PTPN14: variants seen among roughly 807,000 people sequenced by gnomAD.
The protein encoded by PTPN14 is protein tyrosine phosphatase non-receptor type 14.
A neutral mutation model predicts 126.8 loss-of-function variants in PTPN14; 53 were observed. That is an observed-to-expected ratio of 0.42 (90% CI 0.34 to 0.53). The LOEUF is 0.53. Ranked by LOEUF, PTPN14 falls within the 20% of genes least tolerant of loss-of-function variation. The pLI is 0.08. For missense variants in PTPN14, 1,257 were observed against 1,552.9 expected (o/e 0.81, Z 3.20); for synonymous variants, 630 against 599.3 (o/e 1.05, Z -0.75).
In PTPN14 at chr1:214,384,059, G is replaced by T; in HGVS notation, c.1796C>A (p.Thr599Asn). The T allele has an allele frequency of 6.3e-7, 1 of 1,583,204 alleles. No homozygotes were observed. Among genetic ancestry groups the T allele is most frequent in the East Asian group, 2.2e-5 (1 of 44,530 alleles). ...YVSGSSPDLV[T>N]RKVQLSVKTF... ...CTTCACCGAGAGCTGCACCTTCCGGGTCACCAGGTCCGGGCTGCTGCCGCT... is the reference window on the plus strand; with the variant it reads ...CTTCACCGAGAGCTGCACCTTCCGGTTCACCAGGTCCGGGCTGCTGCCGCT... Residue 599 changes from threonine (T) to asparagine (N), a missense_variant, in exon 13 of 19, where the codon ACC (threonine) becomes AAC (asparagine). Thr to Asn is a moderately conservative substitution (Grantham distance 65). Around this residue, in one of 3 missense-constraint regions of PTPN14, gnomAD observed 1,021 missense variants for 1,183.3 expected, o/e 0.86. Transcript: ENST00000366956. The surrounding 1 kb of genome is among the most constrained non-coding windows in gnomAD (Gnocchi z 5.3).
At chr1:214,373,598 CACACACACA>C (rs1658271362) in intron 15 of PTPN14, among the ~76,000 whole-genome samples, 2 of 142,298 alleles carry the variant, frequency 1.4e-5, no homozygotes, top group African/African-American at 5.3e-5. Context: ...CACACACACA[CACACACACA>C]CCTGGTCATG....
At chr1:214,550,874 G>T (rs1656091034) in intron 1 of PTPN14, among the ~76,000 whole-genome samples, 1 of 152,174 alleles carries the variant, frequency 6.6e-6, no homozygotes, top group Non-Finnish European at 1.5e-5. Flanking sequence ...GCCCTCTCTC[G>T]TTCCCAAAAC....
intron 1 of PTPN14, among the ~76,000 whole-genome samples, chr1:214,482,592 T>G (rs1303968567): frequency 7.3e-6 from 1 of 137,880 alleles, no homozygotes; most frequent in Admixed American, 7.2e-5. Context: ...AAAAAAAAAA[T>G]CACATAGAAA....
rs1165595746 is a variant in PTPN14 at position 214,402,437 on chromosome 1, C to CAAAAAAAAAAAAAAA, written c.581+431_581+445dup. Among the ~76,000 whole-genome samples the CAAAAAAAAAAAAAAA allele has an allele frequency of 1.2e-4, 6 of 48,140 alleles. 1 individual carries two copies. The highest frequency in any genetic ancestry group is 5.8e-4 in the African/African-American group (6 of 10,390). 31.6% of individuals were successfully genotyped at this position (48,140 alleles called of 152,430 possible). A position where few individuals can be genotyped will look rare whatever the true frequency, so the allele number is the denominator to read the frequency against. ...CCTGGGTGACAGAGCGAGACTCTGT[C>CAAAAAAAAAAAAAAA]AAAAAAAAAAAAAAAAAAAAAAGCC... On this transcript the variant is annotated intron_variant, in intron 6 of 18. Coordinates refer to ENST00000366956, the MANE Select transcript of PTPN14 (RefSeq NM_005401.5).
chr1:214,431,871 G>A (rs1384820317), intron 3 of PTPN14, among the ~76,000 whole-genome samples: 1 of 152,182 alleles, frequency 6.6e-6, no homozygotes, highest in Non-Finnish European at 1.5e-5. Context: ...AATGTCAGGA[G>A]TCATCATTGT....
chr1:214,411,755 A>T lies in PTPN14; in HGVS notation c.443-4T>A. ...TGATTATAGTCTCCAAAATCAGCTG[A>T]GAAGAAAAGAAGATGGAAGGGCAGT... On this transcript the variant is annotated splice_polypyrimidine_tract_variant and splice_region_variant and intron_variant, in intron 4 of 18. Coordinates refer to ENST00000366956, the MANE Select transcript of PTPN14 (RefSeq NM_005401.5). The T allele has an allele frequency of 6.7e-7, 1 of 1,497,126 alleles. No individual in the cohort carries two copies. Among genetic ancestry groups the T allele is most frequent in the South Asian group, 1.2e-5 (1 of 83,510 alleles). The allele number at this position is 1,497,126 out of a possible 1,614,324, so 92.7% of individuals were successfully genotyped here.
rs966017867 is a variant in PTPN14 at position 214,352,245 on chromosome 1, T to C, written c.*5677A>G. The C allele has an allele frequency of 6.6e-6, 1 of 152,236 alleles. No individual in the cohort carries two copies. Among genetic ancestry groups the C allele is most frequent in the African/African-American group, 2.4e-5 (1 of 41,460 alleles). The allele number at this position is 152,236 out of a possible 1,614,324, so 9.4% of individuals were successfully genotyped here. ...TGCCAGACACTCAATGCTAGGCTCA[T>C]GGACATTTTAATAGAGAATATCTTA... On this transcript the variant is annotated 3_prime_UTR_variant, in exon 19 of 19. Transcript: ENST00000366956.
At chr1:214,445,991 G>T (rs890699601) in intron 3 of PTPN14, among the ~76,000 whole-genome samples, 29 of 152,158 alleles carry the variant, frequency 1.9e-4, no homozygotes, top group Admixed American at 6.5e-5. Context: ...CCCTTTGCTG[G>T]ACAGAAAAGC....
At chr1:214,509,809 T>C (rs2102442229) in intron 1 of PTPN14, among the ~76,000 whole-genome samples, 1 of 152,232 alleles carries the variant, frequency 6.6e-6, no homozygotes, top group African/African-American at 2.4e-5. Flanking sequence ...TATGCAGCCA[T>C]AAAAAAGGAT....
rs1424363477 is a variant in PTPN14, at chr1:214,376,505, T to A, written c.2689-68A>T. 6.8e-6 allele frequency: 9 copies of A among 1,327,358 alleles called. 1 individual carries two copies. Among genetic ancestry groups the A allele is most frequent in the Middle Eastern group, 1.9e-4 (1 of 5,332 alleles). 82.2% of individuals were successfully genotyped at this position (1,327,358 alleles called of 1,614,324 possible). On this transcript the variant is annotated intron_variant, in intron 14 of 18. Coordinates refer to ENST00000366956, the MANE Select transcript of PTPN14 (RefSeq NM_005401.5). ...CAAAAACTCAATGAAACAACCAAAT[T>A]TCTTTAAATATTTAGCGATTGTGTT... is the stretch of plus-strand genomic sequence containing the variant.
chr1:214,489,416 AACCACCAT>A (rs1473688825), intron 1 of PTPN14, among the ~76,000 whole-genome samples: 1 of 152,150 alleles, frequency 6.6e-6, no homozygotes, highest in African/African-American at 2.4e-5. Context: ...GGAACCATGG[AACCACCAT>A]ACCGTTTCTA....
intron 1 of PTPN14, among the ~76,000 whole-genome samples, chr1:214,476,616 G>T (rs935653871): frequency 3.3e-5 from 5 of 152,166 alleles, no homozygotes; most frequent in African/African-American, 9.7e-5. Flanking sequence ...CTGGGTCTGA[G>T]CATCCAGCAC....
chr1:214,475,010 G>A (rs375319614), intron 1 of PTPN14, among the ~76,000 whole-genome samples: 2 of 152,114 alleles, frequency 1.3e-5, no homozygotes, highest in African/African-American at 2.4e-5. Flanking sequence ...AAAAAATCAC[G>A]AGGGTTTGGG....
chr1:214,381,812 G>A (rs1658478776), intron 13 of PTPN14, among the ~76,000 whole-genome samples: 1 of 152,244 alleles, frequency 6.6e-6, no homozygotes, highest in Non-Finnish European at 1.5e-5. Context: ...TGCAGCCATG[G>A]TGAATGAAGA....
rs1366136680 is a variant in PTPN14 at position 214,355,983 on chromosome 1, C to T, written c.*1939G>A. 1 of 125,704 alleles carries T rather than the reference C, an allele frequency of 8.0e-6. No individual in the cohort carries two copies. 7.8% of individuals were successfully genotyped at this position (125,704 alleles called of 1,614,324 possible). A position where few individuals can be genotyped will look rare whatever the true frequency, so the allele number is the denominator to read the frequency against. On this transcript the variant is annotated 3_prime_UTR_variant, in exon 19 of 19. Transcript: ENST00000366956. The stretch of plus-strand genomic sequence containing the variant: ...CCTTTTTTTTTTTTTTTTTTGGAGG[C>T]AGGGTCTCTCCGTAGCCCAGCCTGG...
At chr1:214,508,043 C>T (rs534333822) in intron 1 of PTPN14, among the ~76,000 whole-genome samples, 1 of 152,220 alleles carries the variant, frequency 6.6e-6, no homozygotes, top group Non-Finnish European at 1.5e-5. Flanking sequence ...ATCATCTAAG[C>T]CTTCAGCAAG....
Position 214,352,833 on chromosome 1 carries a change from G to A in PTPN14, c.*5089C>T, listed in dbSNP as rs1298814999. 1 of 152,184 alleles carries A rather than the reference G, an allele frequency of 6.6e-6. No individual in the cohort carries two copies. The highest frequency in any genetic ancestry group is 2.4e-5 in the African/African-American group (1 of 41,438). The allele number at this position is 152,184 out of a possible 1,614,324, so 9.4% of individuals were successfully genotyped here. A position where few individuals can be genotyped will look rare whatever the true frequency, so the allele number is the denominator to read the frequency against. ...AGAAATCACTAAATAAGAGCATGAT[G>A]AGTGTCTCAAAACCATTGGCAATAT... On this transcript the variant is annotated 3_prime_UTR_variant, in exon 19 of 19. Coordinates refer to ENST00000366956, the MANE Select transcript of PTPN14 (RefSeq NM_005401.5).
intron 3 of PTPN14, among the ~76,000 whole-genome samples, chr1:214,417,198 T>C (rs889406927): frequency 2.6e-5 from 4 of 152,238 alleles, no homozygotes; most frequent in Admixed American, 1.3e-4. Flanking sequence ...GTTAGGATTC[T>C]GCTCTGCCTC....
chr1:214,379,604 G>A (rs1658426301), intron 13 of PTPN14, among the ~76,000 whole-genome samples: 1 of 152,238 alleles, frequency 6.6e-6, no homozygotes, highest in Non-Finnish European at 1.5e-5. Context: ...GCTGGGCACT[G>A]CTTGGGCAAA....
Sources: gnomAD v4.1 joint callset for allele counts (sites outside exome capture counted in the v4.1 genomes callset) on GRCh38, gnomAD v4.1.1 for gene constraint, gnomAD v4.1.1 regional missense constraint, Gnocchi (gnomAD v3.1) non-coding constraint, MANE v1.5 for transcripts, NCBI Gene and HGNC (gene_info 2026-07-23, HGNC 2026-07-21) for gene names.